Variants in MYO10 observed in about 807,000 individuals in gnomAD.
The protein encoded by MYO10 is myosin X.
A neutral mutation model predicts 257.3 loss-of-function variants in MYO10; 133 were observed. The observed-to-expected ratio is 0.52, with a 90% CI of 0.45 to 0.60. MYO10 has a LOEUF of 0.60. Ranked by LOEUF, MYO10 falls within the 20% of genes least tolerant of loss-of-function variation. The pLI is 0.00. For synonymous variants in MYO10, 1,104 were observed against 1,028.6 expected (o/e 1.07, Z -1.40); for missense variants, 2,399 against 2,635.7 (o/e 0.91, Z 1.97).
At chr5:16,723,900 A>G (rs910780015) in intron 19 of MYO10, among the ~76,000 whole-genome samples, 9 of 152,238 alleles carry the variant, frequency 5.9e-5, no homozygotes, top group Admixed American at 5.2e-4. Context: ...ATCCAGAAAG[A>G]GACAAAACTT....
intron 21 of MYO10, among the ~76,000 whole-genome samples, chr5:16,709,306 C>T (rs1449819451): frequency 2.0e-5 from 3 of 152,168 alleles, no homozygotes; most frequent in Non-Finnish European, 4.4e-5. Flanking sequence ...GCGGGGGGCA[C>T]ACCCTCAGGT....
At chr5:16,683,965 A>C (rs371320682) in intron 29 of MYO10, 30 bp from the exon 30 acceptor site, 5 of 1,606,502 alleles carry the variant, frequency 3.1e-6, no homozygotes, top group Non-Finnish European at 4.3e-6. Flanking sequence ...AAACAGAATG[A>C]GAGAAGCACT....
chr5:16,934,698 A>G (rs528259043), intron 1 of MYO10, among the ~76,000 whole-genome samples: 21 of 152,246 alleles, frequency 1.4e-4, no homozygotes, highest in Non-Finnish European at 2.8e-4. Context: ...AGATATGACT[A>G]CTAAACAAGA....
intron 2 of MYO10, among the ~76,000 whole-genome samples, chr5:16,836,767 C>T (rs756673179): frequency 2.3e-4 from 35 of 152,216 alleles, no homozygotes; most frequent in Admixed American, 3.3e-4. Context: ...ATGGTGCAGA[C>T]GCTTTGGAAA....
intron 4 of MYO10, among the ~76,000 whole-genome samples, chr5:16,785,794 T>A (rs892610522): frequency 1.7e-4 from 26 of 152,068 alleles, no homozygotes; most frequent in African/African-American, 6.3e-4. Flanking sequence ...CACTTGAACC[T>A]GGGAGGTGGA....
At chr5:16,927,023 T>A (rs1746150834) in intron 1 of MYO10, among the ~76,000 whole-genome samples, 1 of 152,234 alleles carries the variant, frequency 6.6e-6, no homozygotes, top group Non-Finnish European at 1.5e-5. Flanking sequence ...GACAGATGTA[T>A]TTGTCCAGGC....
chr5:16,773,504 A>C (rs1025070597), intron 9 of MYO10, among the ~76,000 whole-genome samples: 1 of 152,054 alleles, frequency 6.6e-6, no homozygotes, highest in Non-Finnish European at 1.5e-5. Context: ...TTCTAAAAAA[A>C]ATTAAAAATT....
At chr5:16,830,284 G>A (rs1484598572) in intron 2 of MYO10, among the ~76,000 whole-genome samples, 2 of 151,924 alleles carry the variant, frequency 1.3e-5, no homozygotes, top group East Asian at 3.9e-4. Flanking sequence ...TATATGTAAG[G>A]TCAGGAACTG....
intron 1 of MYO10, among the ~76,000 whole-genome samples, chr5:16,896,797 T>C (rs2126780162): frequency 6.6e-6 from 1 of 151,826 alleles, no homozygotes; most frequent in Middle Eastern, 3.4e-3. Context: ...CTCCAGAGGG[T>C]GAGGTCAGGG....
chr5:16,732,950 A>G (rs1579924667), intron 19 of MYO10, among the ~76,000 whole-genome samples: 1 of 152,190 alleles, frequency 6.6e-6, no homozygotes, highest in East Asian at 1.9e-4. Context: ...CCTGGCCAAC[A>G]TGGCAAAACC....
At chr5:16,730,045 G>A (rs1739521510) in intron 19 of MYO10, among the ~76,000 whole-genome samples, 1 of 152,148 alleles carries the variant, frequency 6.6e-6, no homozygotes, top group Admixed American at 6.6e-5. Flanking sequence ...CTCTAAGAGG[G>A]TGAGGTCTTT....
At chr5:16,922,198 A>G (rs905835874) in intron 1 of MYO10, among the ~76,000 whole-genome samples, 2 of 147,390 alleles carry the variant, frequency 1.4e-5, no homozygotes, top group African/African-American at 5.0e-5. Flanking sequence ...TGGGTGACAG[A>G]GCAAGACTCC....
chr5:16,787,983 G>A (rs554518939), intron 4 of MYO10, among the ~76,000 whole-genome samples: 6 of 152,198 alleles, frequency 3.9e-5, no homozygotes, highest in East Asian at 3.9e-4. Flanking sequence ...TAGTAGAGAC[G>A]GAGTTTCACC....
intron 8 of MYO10, 35 bp from the exon 9 acceptor site, chr5:16,779,683 C>T: frequency 7.9e-7 from 1 of 1,260,070 alleles, no homozygotes; most frequent in Non-Finnish European, 1.1e-6. Flanking sequence ...TCACAGTTCT[C>T]CAGGACAAGA....
At position 16,670,860 on chromosome 5, in the gene MYO10, G is replaced by A; in HGVS notation, c.5549C>T (p.Pro1850Leu). The change falls in exon 39 of 41, where the codon CCT becomes CTT. Residue 1850 changes from proline (P) to leucine (L), a missense_variant. Transcript: ENST00000513610. ...CTGCAGGGAATAAACCTCTTCGAGA[G>A]GTGGGATGGCAGCGTGCAGAGTATA... ...GDYTLHAAIP[P>L]LEEVYSLQRL... is the part of the protein sequence containing the mutation. 1.2e-6 allele frequency: 2 copies of A among 1,614,002 alleles called. No homozygotes were observed. Among genetic ancestry groups the A allele is most frequent in the Non-Finnish European group, 1.7e-6 (2 of 1,179,894 alleles).
At chr5:16,802,198 T>C (rs1438297851) in intron 3 of MYO10, among the ~76,000 whole-genome samples, 1 of 152,136 alleles carries the variant, frequency 6.6e-6, no homozygotes, top group Non-Finnish European at 1.5e-5. Context: ...TGGGGAGCTG[T>C]TGTTTAATGA....
intron 26 of MYO10, among the ~76,000 whole-genome samples, chr5:16,696,413 T>C (rs1437492368): frequency 1.3e-5 from 2 of 152,244 alleles, no homozygotes; most frequent in Non-Finnish European, 2.9e-5. Flanking sequence ...AATTAAAGTT[T>C]TATTAAGTAT....
At chr5:16,929,595 G>A (rs570837719) in intron 1 of MYO10, among the ~76,000 whole-genome samples, 48 of 152,168 alleles carry the variant, frequency 3.2e-4, no homozygotes, top group South Asian at 1.5e-3. Context: ...CTATGGATTG[G>A]GTATAATTAT....
intron 17 of MYO10, among the ~76,000 whole-genome samples, chr5:16,760,271 G>A (rs943665718): frequency 3.2e-4 from 45 of 142,366 alleles, no homozygotes; most frequent in Non-Finnish European, 3.8e-4. Flanking sequence ...CTGACATGGC[G>A]AAACCCTGTC....
Sources: allele counts gnomAD v4.1 joint callset (sites outside exome capture counted in the v4.1 genomes callset), GRCh38; gene constraint gnomAD v4.1.1; transcripts MANE v1.5; gene names NCBI Gene and HGNC (gene_info 2026-07-23, HGNC 2026-07-21).